Variants in KHDRBS2 observed in about 807,000 individuals in gnomAD.
KHDRBS2 encodes the protein KH RNA binding domain containing, signal transduction associated 2.
Under a neutral mutation model 44.3 loss-of-function variants are expected in KHDRBS2, and 26 were observed. The ratio of observed to expected loss-of-function variants is 0.59; its 90% CI spans 0.43 to 0.81. KHDRBS2 has a LOEUF of 0.81. KHDRBS2 is among the 40% of genes least tolerant of loss of function. KHDRBS2 has a pLI of 0.00. For synonymous variants in KHDRBS2, 194 were observed against 151.1 expected (o/e 1.28, Z -2.08); for missense variants, 476 against 433.1 (o/e 1.10, Z -0.88).
At chr6:61,582,283 G>T in the KHDRBS2 span, among the ~76,000 whole-genome samples, 2 of 151,582 alleles carry the variant, frequency 1.3e-5, no homozygotes, top group African/African-American at 2.4e-5. Flanking sequence ...AAATAATTTT[G>T]CTTTAGAAAA....
intron 3 of KHDRBS2, among the ~76,000 whole-genome samples, chr6:62,030,144 G>T (rs1166183653): frequency 6.6e-6 from 1 of 152,020 alleles, no homozygotes; most frequent in East Asian, 1.9e-4. Context: ...TAGGAAATCT[G>T]CTTTAACATC....
chr6:62,021,020 A>ACAT (rs1424239575), intron 3 of KHDRBS2, among the ~76,000 whole-genome samples: 1 of 152,092 alleles, frequency 6.6e-6, no homozygotes, highest in Non-Finnish European at 1.5e-5. Context: ...AAACTATGGT[A>ACAT]CATATAAACC....
At chr6:62,240,638 ATGTG>A (rs200811030) in intron 1 of KHDRBS2, among the ~76,000 whole-genome samples, 6 of 128,440 alleles carry the variant, frequency 4.7e-5, no homozygotes, top group South Asian at 2.6e-4. Context: ...ACACACATAT[ATGTG>A]TGTGTGTATG....
intron 4 of KHDRBS2, 46 bp downstream of exon 4, chr6:61,978,018 AAT>A: frequency 6.7e-7 from 1 of 1,491,960 alleles, no homozygotes; most frequent in Non-Finnish European, 9.1e-7. Flanking sequence ...TGCATTTTAA[AAT>A]AGAAGCTGAT....
the KHDRBS2 span, among the ~76,000 whole-genome samples, chr6:61,585,731 C>T: frequency 2.0e-5 from 3 of 152,086 alleles, no homozygotes; most frequent in South Asian, 2.1e-4. Context: ...TTGGGAACAG[C>T]ACTTAAATAT....
At position 61,943,053 on chromosome 6, in the gene KHDRBS2, AAAGG is replaced by A. The variant is rs1346985865; in HGVS notation, c.483+35009_483+35012del. The stretch of plus-strand genomic sequence containing the variant: ...AAGGAAGGAAAGAAGGAAGGGAGGG[AAAGG>A]AAGGAAGGAAGGAAAGAAAAGAAAA... On this transcript the variant is annotated intron_variant, in intron 4 of 8. Transcript: ENST00000281156. Among the ~76,000 whole-genome samples, 29 of 149,878 alleles carry A rather than the reference AAAGG, an allele frequency of 1.9e-4. 1 individual carries two copies. The highest frequency in any genetic ancestry group is 1.3e-3 in the South Asian group (6 of 4,706).
chr6:62,074,028 G>C (rs1358958708), intron 2 of KHDRBS2, among the ~76,000 whole-genome samples: 2 of 151,710 alleles, frequency 1.3e-5, no homozygotes, highest in East Asian at 1.9e-4. Flanking sequence ...AATCAACTCA[G>C]AGAGTTGATA....
the KHDRBS2 span, among the ~76,000 whole-genome samples, chr6:61,574,624 C>A: frequency 6.6e-6 from 1 of 152,000 alleles, no homozygotes; most frequent in Non-Finnish European, 1.5e-5. Flanking sequence ...ACAAGTTACC[C>A]TAGGGGCGTG....
At chr6:61,955,132 A>G (rs1392944265) in intron 4 of KHDRBS2, among the ~76,000 whole-genome samples, 1 of 144,446 alleles carries the variant, frequency 6.9e-6, no homozygotes, top group Non-Finnish European at 1.5e-5. Context: ...ATGTATACAT[A>G]TGTATATACA....
At chr6:62,070,594 G>GT (rs1173701324) in intron 2 of KHDRBS2, among the ~76,000 whole-genome samples, 10 of 151,952 alleles carry the variant, frequency 6.6e-5, no homozygotes, top group Non-Finnish European at 1.3e-4. Flanking sequence ...GCGGTGTTCG[G>GT]TTTTTTGTCC....
rs528188229 is a variant in KHDRBS2, at chr6:61,816,974, G to T, written c.810+77661C>A. 8.8e-6 allele frequency: 4 copies of T among 455,610 alleles called. No homozygotes were observed. In the Admixed American group the frequency reaches 9.4e-5, roughly 11 times the overall value. The allele number at this position is 455,610 out of a possible 1,614,324, so 28.2% of individuals were successfully genotyped here. The stretch of plus-strand genomic sequence containing the variant: ...ACTTACCTGGTGAGATTTTGCCACC[G>T]TATCAAAAAACAAGGAAAGTGGTAA... On this transcript the variant is annotated intron_variant, in intron 6 of 8. Transcript: ENST00000281156.
At position 61,791,382 on chromosome 6, in the gene KHDRBS2, C is replaced by T. The variant is rs1444301911; in HGVS notation, c.811-58618G>A. ...TTACTAATATGTGCTAAGTTTATGT[C>T]CAAGTATTGCTTTAACTACATTCTC... On this transcript the variant is annotated intron_variant, in intron 6 of 8. Coordinates refer to ENST00000281156, the MANE Select transcript of KHDRBS2 (RefSeq NM_152688.4). 1.2e-4 allele frequency among the ~76,000 whole-genome samples: 18 copies of T among 151,252 alleles called. No homozygotes were observed. In the Admixed American group the frequency reaches 1.2e-3, roughly 10 times the overall value.
chr6:61,769,246 A>G (rs1376728826), intron 6 of KHDRBS2, among the ~76,000 whole-genome samples: 1 of 152,106 alleles, frequency 6.6e-6, no homozygotes, highest in South Asian at 2.1e-4. Context: ...AACACAGAAC[A>G]CGGGTGATTT....
chr6:62,185,785 A>G (rs1345233247), intron 1 of KHDRBS2, among the ~76,000 whole-genome samples: 2 of 151,972 alleles, frequency 1.3e-5, no homozygotes, highest in Admixed American at 6.6e-5. Flanking sequence ...TGCTTATCCA[A>G]ATTATAACCA....
the KHDRBS2 span, among the ~76,000 whole-genome samples, chr6:61,608,589 A>C: frequency 6.8e-6 from 1 of 146,090 alleles, no homozygotes; most frequent in African/African-American, 2.5e-5. Context: ...CCCTCCCCTT[A>C]TCCCCCACCC....
At chr6:61,912,504 C>T (rs1251329921) in intron 4 of KHDRBS2, among the ~76,000 whole-genome samples, 3 of 152,078 alleles carry the variant, frequency 2.0e-5, no homozygotes, top group Non-Finnish European at 4.4e-5. Context: ...ACTCAGCTTC[C>T]AAATGTGTCT....
At chr6:62,074,559 T>C (rs141581860) in intron 2 of KHDRBS2, among the ~76,000 whole-genome samples, 78 of 152,068 alleles carry the variant, frequency 5.1e-4, no homozygotes, top group African/African-American at 1.8e-3. Flanking sequence ...ATTCATTTTG[T>C]ACCTTCTACA....
the KHDRBS2 span, among the ~76,000 whole-genome samples, chr6:61,560,589 G>C: frequency 9.2e-5 from 14 of 151,962 alleles, no homozygotes; most frequent in African/African-American, 3.1e-4. Flanking sequence ...TCATTCTGCT[G>C]TTAAAGGACT....
At chr6:62,161,394 T>C (rs1244530191) in intron 2 of KHDRBS2, among the ~76,000 whole-genome samples, 1 of 151,174 alleles carries the variant, frequency 6.6e-6, no homozygotes, top group African/African-American at 2.4e-5. Context: ...ACAAATAATA[T>C]CCAATAAAGT....
Sources: gnomAD v4.1 joint callset for allele counts (sites outside exome capture counted in the v4.1 genomes callset) on GRCh38, gnomAD v4.1.1 for gene constraint, MANE v1.5 for transcripts, NCBI Gene and HGNC (gene_info 2026-07-23, HGNC 2026-07-21) for gene names.